Variants in NR3C1 observed in about 807,000 individuals in gnomAD.
NR3C1 encodes the protein glucocorticoid receptor.
In NR3C1, 14 loss-of-function variants were observed where a neutral mutation model predicts 74.0. That is an observed-to-expected ratio of 0.19 (90% CI 0.12 to 0.30). The LOEUF (loss-of-function observed/expected upper bound fraction) is 0.30. Ranked by LOEUF, NR3C1 falls within the 10% of genes least tolerant of loss-of-function variation. NR3C1 has a pLI of 1.00. For synonymous variants in NR3C1, 308 were observed against 332.5 expected, an observed-to-expected ratio of 0.93 and a Z score of 0.80; for missense variants, 695 against 909.8, an observed-to-expected ratio of 0.76 and a Z score of 3.04.
intron 7 of NR3C1, among the ~76,000 whole-genome samples, chr5:143,292,839 G>C (rs1169482994): frequency 6.6e-6 from 1 of 152,128 alleles, no homozygotes; most frequent in Non-Finnish European, 1.5e-5. Flanking sequence ...CTGTTTCTCT[G>C]TATTTGTCTA....
chr5:143,394,500 T>C (rs1838841992), intron 2 of NR3C1, among the ~76,000 whole-genome samples: 1 of 152,002 alleles, frequency 6.6e-6, no homozygotes, highest in Admixed American at 6.6e-5. Flanking sequence ...GGCACTATGA[T>C]ATATGAAATG....
chr5:143,357,223 A>T (rs1189121322), intron 2 of NR3C1, among the ~76,000 whole-genome samples: 1 of 152,186 alleles, frequency 6.6e-6, no homozygotes, highest in African/African-American at 2.4e-5. Flanking sequence ...GCTTGAAAAA[A>T]GATTATGCAC....
rs117332223 is a variant in NR3C1, at chr5:143,328,841, C to T, written c.1185-14673G>A. ...TCCTCATCTCTGGGACCATTTCAGCCTGGACTTCATTGTCCACGTCACTAT... is the reference window on the plus strand; with the variant it reads ...TCCTCATCTCTGGGACCATTTCAGCTTGGACTTCATTGTCCACGTCACTAT... On this transcript the variant is annotated intron_variant, in intron 2 of 8. Coordinates refer to ENST00000394464, the MANE Select transcript of NR3C1 (RefSeq NM_000176.3). 2.1e-4 allele frequency among the ~76,000 whole-genome samples: 32 copies of T among 152,308 alleles called. No individual in the cohort carries two copies. In the East Asian group the frequency reaches 6.2e-3, roughly 29 times the overall value.
intron 2 of NR3C1, among the ~76,000 whole-genome samples, chr5:143,380,106 C>T (rs1027398439): frequency 2.6e-5 from 4 of 152,062 alleles, no homozygotes; most frequent in African/African-American, 9.7e-5. Flanking sequence ...ACAAACATAG[C>T]TACTTTGAGC....
intron 1 of NR3C1, among the ~76,000 whole-genome samples, chr5:143,424,377 T>C (rs1437803345): frequency 6.6e-6 from 1 of 152,164 alleles, no homozygotes; most frequent in Admixed American, 6.6e-5. Context: ...TTGCAATGCT[T>C]CTAACACAAA....
upstream of NR3C1, among the ~76,000 whole-genome samples, chr5:143,404,970 A>G (rs1841003629): frequency 6.6e-6 from 1 of 152,128 alleles, no homozygotes; most frequent in Non-Finnish European, 1.5e-5. Flanking sequence ...TCAACTCCCT[A>G]CAGATGTTCC....
At chr5:143,424,084 G>T (rs1021205139) in intron 1 of NR3C1, among the ~76,000 whole-genome samples, 2 of 140,142 alleles carry the variant, frequency 1.4e-5, no homozygotes, top group East Asian at 2.3e-4. Flanking sequence ...AGGGGGGAGG[G>T]ATAGCATTGG....
At chr5:143,295,398 CTT>C (rs935382616) in intron 7 of NR3C1, 60 bp downstream of exon 7, 3 of 1,595,982 alleles carry the variant, frequency 1.9e-6, no homozygotes. Flanking sequence ...ATAAATTAAC[CTT>C]TGTTTCTAGG....
chr5:143,370,580 C>T (rs998195474), intron 2 of NR3C1, among the ~76,000 whole-genome samples: 1 of 152,156 alleles, frequency 6.6e-6, no homozygotes, highest in African/African-American at 2.4e-5. Context: ...TTAAGGGCAC[C>T]GGCTACAGAC....
intron 2 of NR3C1, among the ~76,000 whole-genome samples, chr5:143,379,214 C>T (rs1230359330): frequency 6.6e-6 from 1 of 152,110 alleles, no homozygotes; most frequent in African/African-American, 2.4e-5. Context: ...GTGTGGGAGC[C>T]AGGTTTGCAA....
chr5:143,395,444 A>C (rs1334420139), intron 2 of NR3C1, among the ~76,000 whole-genome samples: 2 of 151,896 alleles, frequency 1.3e-5, no homozygotes, highest in Non-Finnish European at 3.0e-5. Context: ...GGAATCATCA[A>C]TGTATATTTT....
chr5:143,413,143 T>A (rs1352682387), intron 1 of NR3C1, among the ~76,000 whole-genome samples: 1 of 152,114 alleles, frequency 6.6e-6, no homozygotes, highest in Non-Finnish European at 1.5e-5. Context: ...CGGTTACAAG[T>A]CATTATAGAA....
chr5:143,376,222 A>G (rs1835164184), intron 2 of NR3C1, among the ~76,000 whole-genome samples: 1 of 152,236 alleles, frequency 6.6e-6, no homozygotes, highest in African/African-American at 2.4e-5. Flanking sequence ...TACATTGATG[A>G]GATGATACAA....
At position 143,280,799 on chromosome 5, in the gene NR3C1, A is replaced by G. The variant is rs557285664; in HGVS notation, c.*1090T>C. ...TGGGTAAAGTTTAGTGAGAGGAATT[A>G]CTTTGTCTGATTAAAAGTCTCTCAG... On this transcript the variant is annotated 3_prime_UTR_variant, in exon 9 of 9. Coordinates refer to ENST00000394464, the MANE Select transcript of NR3C1 (RefSeq NM_000176.3). 1 of 152,316 alleles carries G rather than the reference A, an allele frequency of 6.6e-6. No individual in the cohort carries two copies. Among genetic ancestry groups the G allele is most frequent in the South Asian group, 2.1e-4 (1 of 4,828 alleles). 9.4% of individuals were successfully genotyped at this position (152,316 alleles called of 1,614,324 possible). A position where few individuals can be genotyped will look rare whatever the true frequency, so the allele number is the denominator to read the frequency against.
intron 2 of NR3C1, among the ~76,000 whole-genome samples, chr5:143,326,457 A>G (rs1824621543): frequency 6.6e-6 from 1 of 152,242 alleles, no homozygotes; most frequent in East Asian, 1.9e-4. Context: ...TCTTAAATGA[A>G]CATATTGGCA....
chr5:143,430,149 G>A (rs1435809257), intron 1 of NR3C1, among the ~76,000 whole-genome samples: 1 of 151,526 alleles, frequency 6.6e-6, no homozygotes, highest in East Asian at 1.9e-4. Context: ...AATAATATGG[G>A]GGAATGCTCA....
upstream of NR3C1, chr5:143,404,042 C>G: frequency 1.0e-6 from 1 of 985,582 alleles, no homozygotes; most frequent in Admixed American, 6.1e-5. Context: ...TTTCTTTTCT[C>G]GCTACCTCCT....
At chr5:143,337,223 A>G (rs1827321439) in intron 2 of NR3C1, among the ~76,000 whole-genome samples, 2 of 152,226 alleles carry the variant, frequency 1.3e-5, no homozygotes, top group African/African-American at 4.8e-5. Flanking sequence ...TTTACAATAC[A>G]GGAACTCCAA....
intron 7 of NR3C1, 101 bp downstream of exon 7, chr5:143,295,359 G>GACTT (rs1816955759): frequency 6.7e-7 from 1 of 1,493,168 alleles, no homozygotes; most frequent in Non-Finnish European, 8.9e-7. Context: ...AATAATAGTA[G>GACTT]ACTTGGTATA....
Sources: gnomAD v4.1 joint callset for allele counts (sites outside exome capture counted in the v4.1 genomes callset) on GRCh38, gnomAD v4.1.1 for gene constraint, MANE v1.5 for transcripts, NCBI Gene and HGNC (gene_info 2026-07-23, HGNC 2026-07-21) for gene names.